Variants in CNTNAP2 observed in about 807,000 individuals in gnomAD.
CNTNAP2 encodes contactin associated protein 2.
In CNTNAP2, 98 loss-of-function variants were observed where a neutral mutation model predicts 155.2. The ratio of observed to expected loss-of-function variants is 0.63; its 90% CI spans 0.54 to 0.75. CNTNAP2 has a LOEUF of 0.75. Ranked by LOEUF, CNTNAP2 falls within the 30% of genes least tolerant of loss-of-function variation. The pLI, the probability that CNTNAP2 is intolerant of heterozygous loss-of-function variation, is 0.00. For synonymous variants in CNTNAP2, 651 were observed against 631.2 expected, an observed-to-expected ratio of 1.03 and a Z score of -0.47; for missense variants, 1,727 against 1,688.1, an observed-to-expected ratio of 1.02 and a Z score of -0.40.
chr7:146,720,917 C>A (rs1401102676), intron 1 of CNTNAP2, among the ~76,000 whole-genome samples: 3 of 131,576 alleles, frequency 2.3e-5, no homozygotes, highest in Non-Finnish European at 3.2e-5. Context: ...TATATACTCT[C>A]TATATATTCT....
chr7:148,217,242 A>G (rs1202196068), intron 18 of CNTNAP2, 46 bp from the exon 19 acceptor site: 2 of 1,592,730 alleles, frequency 1.3e-6, no homozygotes, highest in Non-Finnish European at 1.7e-6. Flanking sequence ...GGGTATCGGC[A>G]TCAGACCTCT....
chr7:147,385,049 C>A (rs576247037), intron 9 of CNTNAP2, among the ~76,000 whole-genome samples: 3 of 152,104 alleles, frequency 2.0e-5, no homozygotes, highest in African/African-American at 4.8e-5. Flanking sequence ...TGGATGGTGG[C>A]AGGAAAAGAG....
rs62483987 is a variant in CNTNAP2 at position 147,022,527 on chromosome 7, A to G, written c.403-21380A>G. On this transcript the variant is annotated intron_variant, in intron 3 of 23. Coordinates refer to ENST00000361727, the MANE Select transcript of CNTNAP2 (RefSeq NM_014141.6). ...ATATATGTACTCTATATACACATAT[A>G]TTGTACTATATATGTGTTTATGTAC... 7.1e-3 allele frequency among the ~76,000 whole-genome samples: 1,072 copies of G among 151,936 alleles called. 6 individuals are homozygous for G. The highest frequency in any genetic ancestry group is 0.01 in the Non-Finnish European group (704 of 67,958).
intron 2 of CNTNAP2, among the ~76,000 whole-genome samples, chr7:146,832,470 A>G (rs548777413): frequency 3.5e-4 from 52 of 148,782 alleles, no homozygotes; most frequent in African/African-American, 1.2e-3. Context: ...ACATTAACAT[A>G]TATATTTATA....
intron 8 of CNTNAP2, among the ~76,000 whole-genome samples, chr7:147,261,995 A>G (rs1804478862): frequency 6.6e-6 from 1 of 152,224 alleles, no homozygotes; most frequent in South Asian, 2.1e-4. Flanking sequence ...AAAATTTCTC[A>G]TTATATTCAT....
chr7:147,537,166 T>A (rs1175911274), intron 11 of CNTNAP2, among the ~76,000 whole-genome samples: 1 of 152,218 alleles, frequency 6.6e-6, no homozygotes, highest in East Asian at 1.9e-4. Flanking sequence ...TTAAATACAA[T>A]GTGAGTAACA....
intron 18 of CNTNAP2, among the ~76,000 whole-genome samples, chr7:148,200,637 T>A (rs1795354862): frequency 6.6e-6 from 1 of 152,216 alleles, no homozygotes; most frequent in Non-Finnish European, 1.5e-5. Flanking sequence ...CATAGCCCTC[T>A]ATGATAACCT....
chr7:148,125,854 A>G (rs2116621150), intron 16 of CNTNAP2, among the ~76,000 whole-genome samples: 1 of 151,936 alleles, frequency 6.6e-6, no homozygotes, highest in Non-Finnish European at 1.5e-5. Flanking sequence ...GACATGTGCC[A>G]CTATGCCTGG....
intron 12 of CNTNAP2, among the ~76,000 whole-genome samples, chr7:147,570,711 A>G (rs1800271788): frequency 6.6e-6 from 1 of 152,210 alleles, no homozygotes; most frequent in Admixed American, 6.5e-5. Flanking sequence ...TGATGATGAA[A>G]CTAGAGCTCA....
chr7:148,302,697 T>C (rs1205360734), intron 21 of CNTNAP2, among the ~76,000 whole-genome samples: 1 of 152,084 alleles, frequency 6.6e-6, no homozygotes, highest in Non-Finnish European at 1.5e-5. Context: ...TTCGCTTCTC[T>C]CGCCTGCCTA....
chr7:146,173,224 CTTA>C (rs1274423090), intron 1 of CNTNAP2, among the ~76,000 whole-genome samples: 1 of 151,978 alleles, frequency 6.6e-6, no homozygotes, highest in Non-Finnish European at 1.5e-5. Context: ...CCTTTTTTAT[CTTA>C]TTATACATTA....
At chr7:147,663,591 G>A (rs1164647833) in intron 13 of CNTNAP2, among the ~76,000 whole-genome samples, 2 of 152,182 alleles carry the variant, frequency 1.3e-5, no homozygotes, top group Non-Finnish European at 2.9e-5. Context: ...TAAAAGCAAC[G>A]TGGCCAAACA....
intron 1 of CNTNAP2, among the ~76,000 whole-genome samples, chr7:146,563,028 A>G (rs1167012971): frequency 6.6e-6 from 1 of 152,208 alleles, no homozygotes; most frequent in Non-Finnish European, 1.5e-5. Context: ...AGTTTAGAGA[A>G]ATCAACTTGT....
At chr7:146,849,352 C>T (rs1308828921) in intron 3 of CNTNAP2, among the ~76,000 whole-genome samples, 1 of 152,114 alleles carries the variant, frequency 6.6e-6, no homozygotes, top group East Asian at 1.9e-4. Context: ...AAACTGGAAC[C>T]TTGAATCCAG....
At chr7:147,614,268 G>A (rs935922702) in intron 12 of CNTNAP2, among the ~76,000 whole-genome samples, 17 of 151,738 alleles carry the variant, frequency 1.1e-4, no homozygotes, top group African/African-American at 4.1e-4. Context: ...CAAATTATTG[G>A]GATTATGATT....
intron 9 of CNTNAP2, among the ~76,000 whole-genome samples, chr7:147,306,942 G>GA (rs966645974): frequency 6.6e-6 from 1 of 151,996 alleles, no homozygotes; most frequent in East Asian, 1.9e-4. Context: ...ATTAAAAGAA[G>GA]AAAAAAATCT....
intron 13 of CNTNAP2, among the ~76,000 whole-genome samples, chr7:147,793,166 A>T (rs1376436355): frequency 1.3e-5 from 2 of 152,128 alleles, no homozygotes; most frequent in African/African-American, 4.8e-5. Flanking sequence ...GTATCTTTTG[A>T]CGCCCAAATA....
chr7:146,254,364 A>C (rs1156491860), intron 1 of CNTNAP2, among the ~76,000 whole-genome samples: 1 of 152,236 alleles, frequency 6.6e-6, no homozygotes, highest in East Asian at 1.9e-4. Flanking sequence ...TTTTAATGAA[A>C]AATTCTTAGA....
chr7:146,630,426 T>A (rs1358070926), intron 1 of CNTNAP2, among the ~76,000 whole-genome samples: 1 of 135,110 alleles, frequency 7.4e-6, no homozygotes, highest in Admixed American at 7.3e-5. Context: ...CTATTGCAAA[T>A]AGCGCTGTGA....
Sources: gnomAD v4.1 joint callset for allele counts (sites outside exome capture counted in the v4.1 genomes callset) on GRCh38, gnomAD v4.1.1 for gene constraint, MANE v1.5 for transcripts, NCBI Gene and HGNC (gene_info 2026-07-23, HGNC 2026-07-21) for gene names.